The following FNDC3A variants were observed in gnomAD, a reference collection of about 807,000 sequenced individuals.
FNDC3A encodes the protein fibronectin type-III domain-containing protein 3A.
FNDC3A carries 32 observed loss-of-function variants against 148.9 expected under a neutral mutation model. That is an observed-to-expected ratio of 0.21 (90% confidence interval 0.16 to 0.29). FNDC3A has a LOEUF of 0.29. Ranked by LOEUF, FNDC3A falls within the 10% of genes least tolerant of loss-of-function variation. The probability of loss-of-function intolerance (pLI) is 1.00; values close to 1 mark genes in which losing one functional copy is unlikely to be tolerated. For synonymous variants in FNDC3A, 472 were observed against 473.6 expected (o/e 1.00, Z 0.04); for missense variants, 1,191 against 1,452.8 (o/e 0.82, Z 2.93).
intron 2 of FNDC3A, among the ~76,000 whole-genome samples, chr13:49,061,386 TCCCTTCCCTCCCCTTCCCTC>T (rs1876697890): frequency 7.5e-4 from 1 of 1,336 alleles, no homozygotes; most frequent in African/African-American, 4.3e-3. Flanking sequence ...TCCCTTCCCT[TCCCTTCCCTCCCCTTCCCTC>T]CCCTCCCCTC....
At chr13:49,174,971 AG>A (rs1884952284) in intron 12 of FNDC3A, among the ~76,000 whole-genome samples, 1 of 152,084 alleles carries the variant, frequency 6.6e-6, no homozygotes, top group South Asian at 2.1e-4. Flanking sequence ...TGCTCACCTT[AG>A]GGGCAGGTGC....
chr13:49,149,370 G>A (rs1351455583), intron 8 of FNDC3A, among the ~76,000 whole-genome samples: 5 of 151,946 alleles, frequency 3.3e-5, no homozygotes, highest in Admixed American at 3.3e-4. Flanking sequence ...GTTGAGGTAT[G>A]TCCCTTTAGT....
At chr13:49,150,457 TTG>T (rs1883224725) in intron 8 of FNDC3A, among the ~76,000 whole-genome samples, 1 of 152,184 alleles carries the variant, frequency 6.6e-6, no homozygotes, top group African/African-American at 2.4e-5. Flanking sequence ...TTTTAATATT[TTG>T]TGTTTCCATT....
intron 3 of FNDC3A, among the ~76,000 whole-genome samples, chr13:49,084,908 C>T (rs1252623890): frequency 6.6e-6 from 1 of 152,082 alleles, no homozygotes; most frequent in East Asian, 1.9e-4. Flanking sequence ...AAAGAAGTAA[C>T]CAGCCCCGGT....
Position 49,187,424 on chromosome 13 carries a change from GGC to G in FNDC3A, c.1825+235_1825+236del, listed in dbSNP as rs1885636917. On this transcript the variant is annotated intron_variant, in intron 16 of 25. Coordinates refer to ENST00000492622, the MANE Select transcript of FNDC3A (RefSeq NM_001079673.2). ...AGTTCAAGTTTGATCCACTTCCAGA[GGC>G]TGTACCTCTTAAAATGCTCTTCATA... The G allele has an allele frequency of 8.3e-6, 9 of 1,080,992 alleles. No individual in the cohort carries two copies. The Admixed American group carries it at 1.6e-4, about 19-fold the overall frequency. 67.0% of individuals were successfully genotyped at this position (1,080,992 alleles called of 1,614,324 possible).
intron 2 of FNDC3A, among the ~76,000 whole-genome samples, chr13:49,013,371 A>G (rs1230959978): frequency 1.3e-5 from 2 of 151,974 alleles, no homozygotes; most frequent in Non-Finnish European, 2.9e-5. Flanking sequence ...TTGATGTCAT[A>G]ATTTACATTA....
At chr13:49,187,480 T>C in intron 16 of FNDC3A, 1 of 1,492,824 alleles carries the variant, frequency 6.7e-7, no homozygotes, top group Non-Finnish European at 9.3e-7. Context: ...GAAACATCCT[T>C]ATGTTTTAAG....
At chr13:49,041,397 C>T (rs548700834) in intron 2 of FNDC3A, among the ~76,000 whole-genome samples, 17 of 152,202 alleles carry the variant, frequency 1.1e-4, no homozygotes, top group Non-Finnish European at 1.9e-4. Flanking sequence ...TCCCAATTAT[C>T]TAGCACAAAA....
intron 10 of FNDC3A, among the ~76,000 whole-genome samples, chr13:49,171,587 G>C (rs546926319): frequency 6.6e-6 from 1 of 152,160 alleles, no homozygotes; most frequent in South Asian, 2.1e-4. Flanking sequence ...AGCACAGTGA[G>C]TATAGAAACA....
intron 8 of FNDC3A, among the ~76,000 whole-genome samples, chr13:49,165,704 C>T (rs1268913871): frequency 1.3e-5 from 2 of 152,122 alleles, no homozygotes; most frequent in African/African-American, 4.8e-5. Flanking sequence ...GGCAGGTGGC[C>T]AGGTGGGTTC....
intron 13 of FNDC3A, among the ~76,000 whole-genome samples, chr13:49,177,997 A>G (rs1046477667): frequency 1.3e-5 from 2 of 152,174 alleles, no homozygotes; most frequent in Admixed American, 6.5e-5. Flanking sequence ...TGAAATGGTG[A>G]ATTTTACAGT....
At chr13:49,158,112 C>A (rs1883831396) in intron 8 of FNDC3A, among the ~76,000 whole-genome samples, 1 of 152,224 alleles carries the variant, frequency 6.6e-6, no homozygotes, top group African/African-American at 2.4e-5. Context: ...GGGCGCCCCT[C>A]CCCCAGCCTC....
At chr13:49,088,922 A>G (rs1566242218) in intron 3 of FNDC3A, among the ~76,000 whole-genome samples, 1 of 152,232 alleles carries the variant, frequency 6.6e-6, no homozygotes, top group Non-Finnish European at 1.5e-5. Flanking sequence ...GTTAAGTGAA[A>G]TAAATCAGTC....
chr13:49,135,514 G>A lies in FNDC3A; in HGVS notation c.491-818G>A, dbSNP rs138855968. Among the ~76,000 whole-genome samples the A allele has an allele frequency of 2.1e-3, 312 of 152,004 alleles. 3 individuals are homozygous for A. The highest frequency in any genetic ancestry group is 7.1e-3 in the African/African-American group (296 of 41,492). ...CATTGATTCATTTGAATTAATTTTT[G>A]TATATGGTGTGAGGTAGAGGTCCAC... On this transcript the variant is annotated intron_variant, in intron 5 of 25. Coordinates refer to ENST00000492622, the MANE Select transcript of FNDC3A (RefSeq NM_001079673.2).
chr13:49,018,114 C>T (rs1027507860), intron 2 of FNDC3A, among the ~76,000 whole-genome samples: 4 of 150,676 alleles, frequency 2.7e-5, no homozygotes, highest in South Asian at 2.1e-4. Flanking sequence ...ATCTTTGTGG[C>T]GTTCTCTGTA....
intron 2 of FNDC3A, chr13:49,045,725 A>C (rs1030488413): frequency 3.7e-6 from 4 of 1,066,882 alleles, no homozygotes; most frequent in Non-Finnish European, 5.4e-6. Flanking sequence ...GATTTTCAAA[A>C]ACCCTGTCAG....
At chr13:49,172,750 A>T (rs1476354540) in intron 11 of FNDC3A, among the ~76,000 whole-genome samples, 1 of 152,182 alleles carries the variant, frequency 6.6e-6, no homozygotes, top group Non-Finnish European at 1.5e-5. Flanking sequence ...CACATTGTAC[A>T]GTCCCACCTA....
intron 3 of FNDC3A, among the ~76,000 whole-genome samples, chr13:49,086,529 G>A (rs1391722278): frequency 1.3e-5 from 2 of 152,066 alleles, no homozygotes; most frequent in African/African-American, 4.8e-5. Flanking sequence ...AAGATCACTG[G>A]TTATCTTTTG....
At chr13:49,029,928 A>T (rs1390787990) in intron 2 of FNDC3A, among the ~76,000 whole-genome samples, 1 of 152,202 alleles carries the variant, frequency 6.6e-6, no homozygotes, top group Non-Finnish European at 1.5e-5. Flanking sequence ...TAAAATCTGA[A>T]TACACGTATA....
Sources: allele counts gnomAD v4.1 joint callset (sites outside exome capture counted in the v4.1 genomes callset), GRCh38; gene constraint gnomAD v4.1.1; transcripts MANE v1.5; gene names NCBI Gene and HGNC (gene_info 2026-07-23, HGNC 2026-07-21).